Variants in BMPR1B observed in about 807,000 individuals in gnomAD.
BMPR1B encodes the protein bone morphogenetic protein receptor type 1B.
BMPR1B carries 12 observed loss-of-function variants against 59.1 expected under a neutral mutation model. The ratio of observed to expected loss-of-function variants is 0.20; its 90% CI spans 0.13 to 0.33. The LOEUF (loss-of-function observed/expected upper bound fraction) is 0.33, where lower values mean the gene tolerates loss of function less well. Among genes scored for constraint, BMPR1B ranks in the 10% least tolerant of loss-of-function variants. BMPR1B has a pLI of 1.00. For synonymous variants in BMPR1B, 237 were observed against 207.3 expected (o/e 1.14, Z -1.23); for missense variants, 550 against 610.9 (o/e 0.90, Z 1.05).
intron 1 of BMPR1B, among the ~76,000 whole-genome samples, chr4:94,836,095 T>A (rs1331521428): frequency 1.3e-5 from 2 of 148,680 alleles, no homozygotes; most frequent in African/African-American, 5.0e-5. Context: ...GAACTCATCA[T>A]TTTTTATGGC....
intron 2 of BMPR1B, among the ~76,000 whole-genome samples, chr4:94,930,572 C>T (rs1001594078): frequency 3.3e-5 from 5 of 152,014 alleles, no homozygotes; most frequent in Non-Finnish European, 2.9e-5. Flanking sequence ...AGTAGGTATA[C>T]AATGGGAATG....
At chr4:94,944,860 T>A (rs1231007815) in intron 2 of BMPR1B, among the ~76,000 whole-genome samples, 1 of 152,208 alleles carries the variant, frequency 6.6e-6, no homozygotes, top group African/African-American at 2.4e-5. Context: ...CATAATAGAT[T>A]CCAGCTTTTT....
intron 3 of BMPR1B, chr4:95,103,632 T>A: frequency 1.3e-5 from 5 of 375,848 alleles, no homozygotes; most frequent in Non-Finnish European, 1.8e-5. Context: ...GTCACAAGAT[T>A]ATTTATAAAG....
Position 94,966,883 on chromosome 4 carries a change from A to G in BMPR1B, c.-112-29157A>G, listed in dbSNP as rs1730574564. ...ATACAGGAAAATTTTCATTAACACA[A>G]CTAGCTGTTCCCTAAGAGGTGGTAT... On this transcript the variant is annotated intron_variant, in intron 2 of 12. Coordinates refer to ENST00000515059, the MANE Select transcript of BMPR1B (RefSeq NM_001203.3). Among the ~76,000 whole-genome samples the G allele has an allele frequency of 5.9e-5, 9 of 152,278 alleles. No individual in the cohort carries two copies. The South Asian group carries it at 1.9e-3, about 32-fold the overall frequency.
chr4:94,976,278 G>A (rs886389851), intron 2 of BMPR1B, among the ~76,000 whole-genome samples: 1 of 152,186 alleles, frequency 6.6e-6, no homozygotes, highest in Non-Finnish European at 1.5e-5. Flanking sequence ...CAAGGTGAGA[G>A]CTGCATTGAC....
At chr4:95,032,472 G>A (rs28838368) in intron 3 of BMPR1B, among the ~76,000 whole-genome samples, 23,765 of 151,948 alleles carry the variant, frequency 0.16, 2,478 homozygotes, top group Non-Finnish European at 0.23. Flanking sequence ...AATTTTGAAG[G>A]GACACAAACA....
intron 3 of BMPR1B, among the ~76,000 whole-genome samples, chr4:95,095,150 C>A (rs533489895): frequency 6.6e-6 from 1 of 151,704 alleles, no homozygotes; most frequent in African/African-American, 2.4e-5. Context: ...GAAACTCAGG[C>A]CTTTAGAGTT....
At chr4:95,099,148 G>A (rs995354236) in intron 3 of BMPR1B, among the ~76,000 whole-genome samples, 4 of 152,198 alleles carry the variant, frequency 2.6e-5, no homozygotes, top group Admixed American at 1.3e-4. Context: ...TGAGCCATCA[G>A]TGGATTTAGT....
intron 2 of BMPR1B, among the ~76,000 whole-genome samples, chr4:94,942,416 C>G (rs577177341): frequency 1.3e-5 from 2 of 152,112 alleles, no homozygotes; most frequent in Non-Finnish European, 1.5e-5. Flanking sequence ...CTATATTACA[C>G]TTTTGTCAAG....
chr4:94,974,848 A>G (rs754311950), intron 2 of BMPR1B, among the ~76,000 whole-genome samples: 2 of 152,172 alleles, frequency 1.3e-5, no homozygotes, highest in Non-Finnish European at 2.9e-5. Flanking sequence ...TCTCCCAAAC[A>G]CACAAATAGA....
In BMPR1B at chr4:94,803,082, G is replaced by T. The variant is rs1405565964; in HGVS notation, c.-183+45014G>T. ...GTTGCAAGTGATGAACTCATGGTCA[G>T]TTCTTCTTCATTTCTCTCATTGAGT... is the stretch of plus-strand genomic sequence containing the variant. On this transcript the variant is annotated intron_variant, in intron 1 of 12. Coordinates refer to ENST00000515059, the MANE Select transcript of BMPR1B (RefSeq NM_001203.3). Among the ~76,000 whole-genome samples, 4 of 152,106 alleles carry T rather than the reference G, an allele frequency of 2.6e-5. No homozygotes were observed. The East Asian group carries it at 7.7e-4, about 29-fold the overall frequency.
At chr4:94,913,001 T>A (rs1728344478) in intron 2 of BMPR1B, among the ~76,000 whole-genome samples, 1 of 152,140 alleles carries the variant, frequency 6.6e-6, no homozygotes, top group African/African-American at 2.4e-5. Context: ...TCAGTTTTTG[T>A]TAAAATTGTT....
intron 3 of BMPR1B, among the ~76,000 whole-genome samples, chr4:95,024,478 C>A (rs1014932896): frequency 2.6e-5 from 4 of 152,160 alleles, no homozygotes; most frequent in Non-Finnish European, 2.9e-5. Flanking sequence ...CTGGTATCTT[C>A]ATCTGTAACC....
At chr4:95,086,201 G>T (rs1295313012) in intron 3 of BMPR1B, among the ~76,000 whole-genome samples, 1 of 152,172 alleles carries the variant, frequency 6.6e-6, no homozygotes, top group African/African-American at 2.4e-5. Flanking sequence ...TTGATAGCAA[G>T]AATCCTTTCT....
At chr4:94,982,366 C>T (rs547803923) in intron 2 of BMPR1B, among the ~76,000 whole-genome samples, 2 of 151,934 alleles carry the variant, frequency 1.3e-5, no homozygotes, top group African/African-American at 4.8e-5. Context: ...AGATGCATGA[C>T]GAAAGTTTCA....
At chr4:95,091,672 T>G in intron 3 of BMPR1B, 4 of 983,224 alleles carry the variant, frequency 4.1e-6, no homozygotes, top group Non-Finnish European at 4.8e-6. Flanking sequence ...ACTGTTTTTT[T>G]TTTCCCTCCA....
At chr4:95,033,033 C>T (rs1441733546) in intron 3 of BMPR1B, among the ~76,000 whole-genome samples, 1 of 152,102 alleles carries the variant, frequency 6.6e-6, no homozygotes, top group African/African-American at 2.4e-5. Context: ...GGTAGTATCT[C>T]ATTGTGGTTT....
intron 1 of BMPR1B, among the ~76,000 whole-genome samples, chr4:94,844,751 C>T (rs1215540976): frequency 6.6e-6 from 1 of 152,114 alleles, no homozygotes; most frequent in Admixed American, 6.5e-5. Context: ...AGATTTTGCT[C>T]TGGGAAAGAA....
chr4:94,804,609 T>TG (rs1723538699), intron 1 of BMPR1B, among the ~76,000 whole-genome samples: 1 of 150,408 alleles, frequency 6.6e-6, no homozygotes, highest in Non-Finnish European at 1.5e-5. Context: ...TTTTTTTTTT[T>TG]GCCAAGGACC....
Sources: allele counts gnomAD v4.1 joint callset (sites outside exome capture counted in the v4.1 genomes callset), GRCh38; gene constraint gnomAD v4.1.1; transcripts MANE v1.5; gene names NCBI Gene and HGNC (gene_info 2026-07-23, HGNC 2026-07-21).